Variants in IKZF1 observed in about 807,000 individuals in gnomAD.
IKZF1 encodes the protein IKAROS family zinc finger 1, also known as DNA-binding protein Ikaros.
Under a neutral mutation model 51.7 loss-of-function variants are expected in IKZF1, and 10 were observed. The observed-to-expected ratio is 0.19, with a 90% CI of 0.12 to 0.33. IKZF1 has a LOEUF of 0.33. IKZF1 is among the 10% of genes least tolerant of loss of function. The probability of loss-of-function intolerance (pLI) is 1.00; values close to 1 mark genes in which losing one functional copy is unlikely to be tolerated. For synonymous variants in IKZF1, 280 were observed against 282.3 expected, an observed-to-expected ratio of 0.99 and a Z score of 0.08; for missense variants, 484 against 707.5, an observed-to-expected ratio of 0.68 and a Z score of 3.58.
In IKZF1 at chr7:50,376,699, C is replaced by G. The variant is rs766101392; in HGVS notation, c.327C>G (p.Gly109=). ...QGSSALSGVG[G]IRLPNGKLKC... ...GCTCGGCTTTGTCGGGAGTTGGAGG[C>G]ATTCGACTTCCTAACGGAAAACTAA... The change falls in exon 4 of 8, where the codon GGC becomes GGG. Residue 109 remains glycine, a synonymous_variant. Transcript: ENST00000331340. This position sits in a 1 kb window ranked among gnomAD's most constrained non-coding sequence, Gnocchi z 4.5. The G allele has an allele frequency of 2.5e-6, 4 of 1,613,918 alleles. No homozygotes were observed. In the East Asian group the frequency reaches 8.9e-5, roughly 36 times the overall value.
intron 6 of IKZF1, among the ~76,000 whole-genome samples, 168 bp downstream of exon 6, chr7:50,387,638 G>A (rs138305051): frequency 2.2e-4 from 33 of 152,292 alleles, no homozygotes; most frequent in African/African-American, 7.0e-4. Context: ...CCAGAAGCAC[G>A]TTGTGCTTCC....
At chr7:50,377,805 CT>C (rs1810716054) in intron 4 of IKZF1, among the ~76,000 whole-genome samples, 2 of 152,240 alleles carry the variant, frequency 1.3e-5, no homozygotes, top group Non-Finnish European at 1.5e-5. Flanking sequence ...GATCCACCAC[CT>C]CTAGCAGCCA....
chr7:50,381,661 A>G (rs1318564778), intron 4 of IKZF1, among the ~76,000 whole-genome samples: 1 of 152,250 alleles, frequency 6.6e-6, no homozygotes, highest in Non-Finnish European at 1.5e-5. Context: ...TTCCTTCATA[A>G]CAACTAAATT....
intron 2 of IKZF1, among the ~76,000 whole-genome samples, chr7:50,321,174 G>A (rs1197669548): frequency 1.3e-5 from 2 of 152,176 alleles, no homozygotes; most frequent in South Asian, 2.1e-4. Context: ...GGAAGGGGAC[G>A]AGTTAGGGAA....
At position 50,387,376 on chromosome 7, in the gene IKZF1, C is replaced by T. The variant is rs1255759479; in HGVS notation, c.621C>T (p.Gly207=). Residue 207 remains glycine, a synonymous_variant, in exon 6 of 8, where the codon GGC becomes GGT. Transcript: ENST00000331340. ...AACCTCACAAATGTGGATATTGTGG[C>T]CGAAGCTATAAACAGCGAAGCTCTT... ...VGKPHKCGYC[G]RSYKQRSSLE... 1 of 1,613,496 alleles carries T rather than the reference C, an allele frequency of 6.2e-7. No individual in the cohort carries two copies. Among genetic ancestry groups the T allele is most frequent in the Non-Finnish European group, 8.5e-7 (1 of 1,179,706 alleles).
chr7:50,355,619 G>GAATAAATTA (rs1803107178), intron 3 of IKZF1, among the ~76,000 whole-genome samples: 1 of 147,404 alleles, frequency 6.8e-6, no homozygotes. Context: ...GTTAGCTTGC[G>GAATAAATTA]AATAAATAAA....
chr7:50,378,529 G>C (rs1810951727), intron 4 of IKZF1, among the ~76,000 whole-genome samples: 1 of 152,206 alleles, frequency 6.6e-6, no homozygotes, highest in African/African-American at 2.4e-5. Context: ...AAGCCTGACT[G>C]TACAGTGAAA....
chr7:50,318,347 A>C (rs1182333664), intron 1 of IKZF1: 2 of 227,784 alleles, frequency 8.8e-6, no homozygotes, highest in African/African-American at 4.5e-5. Context: ...GCCATCTGTC[A>C]GCAAAACAGG....
At chr7:50,322,588 CT>C (rs1042979676) in intron 2 of IKZF1, among the ~76,000 whole-genome samples, 2 of 152,204 alleles carry the variant, frequency 1.3e-5, no homozygotes, top group African/African-American at 4.8e-5. Flanking sequence ...GCAAGCTACC[CT>C]TTCCTTTAGG....
rs372575848 is a variant in IKZF1 at position 50,355,476 on chromosome 7, C to T, written c.161-21057C>T. On this transcript the variant is annotated intron_variant, in intron 3 of 7. Coordinates refer to ENST00000331340, the MANE Select transcript of IKZF1 (RefSeq NM_006060.6). ...AAGAGAGTCCTGGCTAGGTGTGCCCCGCTCTGCAGGGCCACACCATCCACT... is the reference window on the plus strand; with the variant it reads ...AAGAGAGTCCTGGCTAGGTGTGCCCTGCTCTGCAGGGCCACACCATCCACT... Among the ~76,000 whole-genome samples, 183 of 152,300 alleles carry T rather than the reference C, an allele frequency of 1.2e-3. 2 individuals carry two copies. The South Asian group carries it at 0.018, about 15-fold the overall frequency.
At chr7:50,393,238 G>A (rs1269411105) in intron 7 of IKZF1, among the ~76,000 whole-genome samples, 1 of 152,324 alleles carries the variant, frequency 6.6e-6, no homozygotes, top group African/African-American at 2.4e-5. Context: ...TGATTCTAGA[G>A]TAGTGTGCCC....
In IKZF1 at chr7:50,345,338, C is replaced by G. The variant is rs1800083353; in HGVS notation, c.160+17581C>G. ...AATCATATTGTCTCCAAAGCACAAA[C>G]TGAATCAGTTACAAGATATTGGACT... On this transcript the variant is annotated intron_variant, in intron 3 of 7. Transcript: ENST00000331340. Among the ~76,000 whole-genome samples the G allele has an allele frequency of 2.0e-5, 3 of 152,154 alleles. No individual in the cohort carries two copies. The South Asian group carries it at 6.2e-4, about 31-fold the overall frequency.
At chr7:50,392,461 C>T (rs535820786) in intron 7 of IKZF1, among the ~76,000 whole-genome samples, 27 of 152,234 alleles carry the variant, frequency 1.8e-4, no homozygotes, top group African/African-American at 6.5e-4. Context: ...ATTAGACACA[C>T]CAACACCACC....
chr7:50,361,887 A>G (rs895356622), intron 3 of IKZF1, among the ~76,000 whole-genome samples: 1 of 152,140 alleles, frequency 6.6e-6, no homozygotes, highest in Non-Finnish European at 1.5e-5. Flanking sequence ...AAAAGAAAAA[A>G]AAAGCTAATC....
intron 3 of IKZF1, among the ~76,000 whole-genome samples, chr7:50,341,447 T>C (rs1192080556): frequency 2.0e-5 from 3 of 152,136 alleles, no homozygotes; most frequent in Non-Finnish European, 4.4e-5. Flanking sequence ...CCAGGCTGTA[T>C]GGAGTCTTTC....
At chr7:50,325,142 A>G (rs2153378973) in intron 2 of IKZF1, among the ~76,000 whole-genome samples, 1 of 152,202 alleles carries the variant, frequency 6.6e-6, no homozygotes, top group East Asian at 1.9e-4. Flanking sequence ...CAAGAAGGCA[A>G]GTGGCCTGGG....
chr7:50,390,139 A>G (rs1181741469), intron 6 of IKZF1, among the ~76,000 whole-genome samples: 1 of 152,214 alleles, frequency 6.6e-6, no homozygotes, highest in Non-Finnish European at 1.5e-5. Context: ...ATCTAATGAC[A>G]GAGCAGCCTG....
intron 3 of IKZF1, among the ~76,000 whole-genome samples, chr7:50,352,454 C>G (rs1802097655): frequency 6.6e-6 from 1 of 152,062 alleles, no homozygotes; most frequent in Admixed American, 6.6e-5. Context: ...AATTTTAGGT[C>G]AAGGGTTTTT....
intron 3 of IKZF1, 62 bp downstream of exon 3, chr7:50,327,819 GAC>G (rs1795457943): frequency 6.7e-7 from 1 of 1,495,364 alleles, no homozygotes; most frequent in Non-Finnish European, 9.0e-7. Flanking sequence ...ATTTTTCCAA[GAC>G]AGTGATGAAG....
Sources: gnomAD v4.1 joint callset for allele counts (sites outside exome capture counted in the v4.1 genomes callset) on GRCh38, gnomAD v4.1.1 for gene constraint, Gnocchi (gnomAD v3.1) non-coding constraint, MANE v1.5 for transcripts, NCBI Gene and HGNC (gene_info 2026-07-23, HGNC 2026-07-21) for gene names.